Variants in AGBL4 observed in about 807,000 individuals in gnomAD.
AGBL4 encodes AGBL carboxypeptidase 4, also known as cytosolic carboxypeptidase 6.
AGBL4 carries 58 observed loss-of-function variants against 66.4 expected under a neutral mutation model. That is an observed-to-expected ratio of 0.87 (90% CI 0.71 to 1.09). AGBL4 has a LOEUF of 1.09. AGBL4 is among the 50% of genes least tolerant of loss of function. The pLI is 0.00. For missense variants in AGBL4, 579 were observed against 631.0 expected (o/e 0.92, Z 0.88); for synonymous variants, 234 against 222.9 (o/e 1.05, Z -0.44).
intron 4 of AGBL4, among the ~76,000 whole-genome samples, chr1:49,155,635 G>T (rs184443672): frequency 4.5e-4 from 69 of 152,190 alleles, no homozygotes; most frequent in Non-Finnish European, 8.4e-4. Context: ...ATAGAGAAGT[G>T]GGCTTCCATC....
chr1:49,963,207 GAGA>G (rs1444438215), intron 1 of AGBL4, among the ~76,000 whole-genome samples: 2 of 152,102 alleles, frequency 1.3e-5, no homozygotes, highest in Non-Finnish European at 2.9e-5. Flanking sequence ...GTAAAATACA[GAGA>G]AGGAGAATCC....
intron 9 of AGBL4, among the ~76,000 whole-genome samples, chr1:48,598,606 GTC>G (rs528104212): frequency 9.9e-5 from 15 of 152,090 alleles, no homozygotes; most frequent in Admixed American, 3.9e-4. Context: ...GGGAACGCCT[GTC>G]TCTACTGAAA....
chr1:49,917,624 CAAT>C (rs1651694839), intron 1 of AGBL4, among the ~76,000 whole-genome samples: 1 of 152,034 alleles, frequency 6.6e-6, no homozygotes, highest in Non-Finnish European at 1.5e-5. Context: ...GACTCCCACA[CAAT>C]AATAATGGGA....
intron 1 of AGBL4, among the ~76,000 whole-genome samples, chr1:49,908,856 C>T (rs1162639261): frequency 6.6e-6 from 1 of 152,148 alleles, no homozygotes; most frequent in Non-Finnish European, 1.5e-5. Context: ...CTTGTTATTA[C>T]AATAGTCAAT....
At chr1:49,595,493 C>CT (rs35521839) in intron 3 of AGBL4, among the ~76,000 whole-genome samples, 32,328 of 151,536 alleles carry the variant, frequency 0.21, 4,521 homozygotes, top group Middle Eastern at 0.36. Context: ...CTACAAAACA[C>CT]TTTTTTTTAA....
At chr1:49,442,442 T>C (rs1042119337) in intron 3 of AGBL4, among the ~76,000 whole-genome samples, 1 of 152,188 alleles carries the variant, frequency 6.6e-6, no homozygotes, top group East Asian at 1.9e-4. Context: ...CTGTTATGTA[T>C]CTTTCCATTC....
chr1:48,850,707 G>A (rs1451600590), intron 6 of AGBL4, among the ~76,000 whole-genome samples: 1 of 152,024 alleles, frequency 6.6e-6, no homozygotes, highest in Non-Finnish European at 1.5e-5. Context: ...TGTAGAGACG[G>A]GGTTTCACCA....
intron 5 of AGBL4, among the ~76,000 whole-genome samples, chr1:49,006,137 G>T (rs1661777218): frequency 6.6e-6 from 1 of 152,118 alleles, no homozygotes; most frequent in Admixed American, 6.5e-5. Flanking sequence ...ACTAGGGAGT[G>T]CCAGACAGTG....
intron 6 of AGBL4, among the ~76,000 whole-genome samples, chr1:48,709,812 C>T (rs924544769): frequency 1.8e-4 from 27 of 151,918 alleles, no homozygotes; most frequent in Non-Finnish European, 1.9e-4. Flanking sequence ...CCGTGTTAGC[C>T]GGGATGGTCT....
chr1:49,710,439 A>C (rs1256175091), intron 2 of AGBL4, among the ~76,000 whole-genome samples: 1 of 152,008 alleles, frequency 6.6e-6, no homozygotes, highest in East Asian at 1.9e-4. Flanking sequence ...GGCCTGTTGG[A>C]GGTTGTGGGG....
At chr1:48,808,193 T>C (rs1356706401) in intron 6 of AGBL4, among the ~76,000 whole-genome samples, 1 of 152,168 alleles carries the variant, frequency 6.6e-6, no homozygotes, top group Admixed American at 6.5e-5. Context: ...TCCACATCTA[T>C]AAAATGGAAT....
chr1:49,441,035 C>A (rs1646017041), intron 3 of AGBL4, among the ~76,000 whole-genome samples: 1 of 152,142 alleles, frequency 6.6e-6, no homozygotes, highest in Non-Finnish European at 1.5e-5. Context: ...GTGATGGCCT[C>A]CCCTGAGGCA....
In AGBL4 at chr1:48,591,005, C is replaced by T. The variant is rs373530611; in HGVS notation, c.952-20G>A. The T allele has an allele frequency of 4.5e-5, 71 of 1,594,500 alleles. No homozygotes were observed. Among genetic ancestry groups the T allele is most frequent in the Non-Finnish European group, 5.5e-5 (64 of 1,170,630 alleles). On this transcript the variant is annotated intron_variant, in intron 9 of 13. Transcript: ENST00000371839. ...TGTTTTCTGTTGAGAGAAAGGATAA[C>T]AAATGAGAAGTCTGGGCTGTAGAGC...
chr1:48,801,427 GA>G (rs1418323973), intron 6 of AGBL4, among the ~76,000 whole-genome samples: 2 of 152,142 alleles, frequency 1.3e-5, no homozygotes, highest in Non-Finnish European at 2.9e-5. Context: ...TTCACCTTGT[GA>G]CCCCTCCCTA....
At chr1:49,228,066 C>T (rs1359862115) in intron 4 of AGBL4, among the ~76,000 whole-genome samples, 2 of 152,162 alleles carry the variant, frequency 1.3e-5, no homozygotes, top group Non-Finnish European at 2.9e-5. Flanking sequence ...AACAGAGGAA[C>T]ATGTATCAGT....
chr1:49,845,645 A>C, intron 2 of AGBL4: 2 of 1,608,162 alleles, frequency 1.2e-6, no homozygotes, highest in Non-Finnish European at 1.7e-6. Flanking sequence ...CAGAGGACCC[A>C]CACAGGAGAA....
chr1:49,170,179 A>C (rs1446941468), intron 4 of AGBL4, among the ~76,000 whole-genome samples: 2 of 147,760 alleles, frequency 1.4e-5, no homozygotes, highest in African/African-American at 2.5e-5. Flanking sequence ...ATATATTATA[A>C]ATTTATATTC....
At chr1:49,102,035 G>A (rs995909579) in intron 4 of AGBL4, among the ~76,000 whole-genome samples, 1 of 151,726 alleles carries the variant, frequency 6.6e-6, no homozygotes, top group Non-Finnish European at 1.5e-5. Flanking sequence ...GAGAGATAGA[G>A]AGAGAGAGAG....
intron 4 of AGBL4, among the ~76,000 whole-genome samples, chr1:49,097,886 C>A (rs12076762): frequency 0.015 from 2,218 of 152,284 alleles, 70 homozygotes; most frequent in African/African-American, 0.05. Context: ...AGCCTCTAGG[C>A]AATTATTTAA....
Sources: gnomAD v4.1 joint callset for allele counts (sites outside exome capture counted in the v4.1 genomes callset) on GRCh38, gnomAD v4.1.1 for gene constraint, MANE v1.5 for transcripts, NCBI Gene and HGNC (gene_info 2026-07-23, HGNC 2026-07-21) for gene names.